Variants in NCAM1 observed in about 807,000 individuals in gnomAD.
NCAM1 encodes neural cell adhesion molecule 1.
A neutral mutation model predicts 109.8 loss-of-function variants in NCAM1; 14 were observed. That is an observed-to-expected ratio of 0.13 (90% CI 0.08 to 0.20). The LOEUF is 0.20. Ranked by LOEUF, NCAM1 falls within the 10% of genes least tolerant of loss-of-function variation. The pLI is 1.00. For missense variants in NCAM1, 774 were observed against 1,109.9 expected (o/e 0.70, Z 4.30); for synonymous variants, 418 against 442.9 (o/e 0.94, Z 0.70).
At chr11:113,020,370 T>A (rs529331564) in intron 1 of NCAM1, among the ~76,000 whole-genome samples, 1 of 152,248 alleles carries the variant, frequency 6.6e-6, no homozygotes, top group East Asian at 1.9e-4. Flanking sequence ...TGGAAGTCAT[T>A]TCCTCAGTAC....
intron 1 of NCAM1, among the ~76,000 whole-genome samples, chr11:113,104,347 T>C (rs1555092149): frequency 1.3e-5 from 2 of 151,560 alleles, no homozygotes. Context: ...ATATAGCATC[T>C]GAGGCTGCTT....
intron 1 of NCAM1, among the ~76,000 whole-genome samples, chr11:113,029,337 G>A (rs1555077966): frequency 6.6e-6 from 1 of 152,160 alleles, no homozygotes; most frequent in African/African-American, 2.4e-5. Context: ...ATGGGGTTAA[G>A]AAGTCAAATA....
At chr11:113,138,107 G>A (rs1339656171) in intron 1 of NCAM1, among the ~76,000 whole-genome samples, 1 of 152,174 alleles carries the variant, frequency 6.6e-6, no homozygotes, top group Non-Finnish European at 1.5e-5. Context: ...AGCAGAGAAA[G>A]CCACTGTTGT....
intron 1 of NCAM1, among the ~76,000 whole-genome samples, chr11:113,155,375 G>T (rs1555103276): frequency 6.6e-6 from 1 of 151,992 alleles, no homozygotes; most frequent in Non-Finnish European, 1.5e-5. Flanking sequence ...TGGGTGTGGT[G>T]GTGGGTACCT....
intron 1 of NCAM1, among the ~76,000 whole-genome samples, chr11:113,122,341 A>G (rs565836123): frequency 1.3e-5 from 2 of 152,332 alleles, no homozygotes; most frequent in South Asian, 2.1e-4. Context: ...TCTCTTCTCC[A>G]TAAGTAACAG....
chr11:113,205,602 C>T lies in NCAM1; in HGVS notation c.426C>T (p.Val142=). 1 of 1,613,896 alleles carries T rather than the reference C, an allele frequency of 6.2e-7. No individual in the cohort carries two copies. The highest frequency in any genetic ancestry group is 8.5e-7 in the Non-Finnish European group (1 of 1,179,848). Residue 142 remains valine, a synonymous_variant, in exon 4 of 20, where the codon GTC becomes GTT. Transcript: ENST00000316851. ...GEDAVIVCDV[V]SSLPPTIIWK... is the part of the protein sequence containing the mutation. ...ATGCCGTGATTGTGTGTGATGTGGT[C>T]AGCTCCCTCCCACCAACCATCATCT...
chr11:113,232,959 AG>A, intron 12 of NCAM1, 145 bp downstream of exon 12: 1 of 967,068 alleles, frequency 1.0e-6, no homozygotes, highest in Non-Finnish European at 1.6e-6. Context: ...GGAAGCTGGG[AG>A]CCATTGGATC....
chr11:113,194,663 C>A (rs1943801628), intron 1 of NCAM1, among the ~76,000 whole-genome samples: 1 of 152,162 alleles, frequency 6.6e-6, no homozygotes, highest in Admixed American at 6.5e-5. Flanking sequence ...TACCAAGAGT[C>A]ATCTTTCCCT....
intron 1 of NCAM1, among the ~76,000 whole-genome samples, chr11:113,104,202 TGGGG>T (rs1565438465): frequency 0.011 from 28 of 2,548 alleles, no homozygotes; most frequent in Middle Eastern, 0.5. Flanking sequence ...GAAGAGGAGG[TGGGG>T]TGGGGGGGGG....
chr11:113,060,234 C>A (rs1953869206), intron 1 of NCAM1, among the ~76,000 whole-genome samples: 1 of 152,178 alleles, frequency 6.6e-6, no homozygotes, highest in Non-Finnish European at 1.5e-5. Context: ...TTTGCGACAT[C>A]ATGGTTTATG....
chr11:113,231,278 G>A (rs1565515832), intron 9 of NCAM1: 2 of 1,530,180 alleles, frequency 1.3e-6, no homozygotes, highest in Non-Finnish European at 1.8e-6. Flanking sequence ...CATGAGGTAG[G>A]GCTGCTGCTG....
At chr11:113,168,994 G>A (rs1263836866) in intron 1 of NCAM1, among the ~76,000 whole-genome samples, 1 of 151,990 alleles carries the variant, frequency 6.6e-6, no homozygotes, top group Admixed American at 6.6e-5. Context: ...GTGCTTGTGT[G>A]CGTATTAAAG....
In NCAM1 at chr11:113,231,925, G is replaced by T. The variant is rs1555117330; in HGVS notation, c.1240+130G>T. 3.0e-5 allele frequency: 38 copies of T among 1,283,214 alleles called. No homozygotes were observed. In the South Asian group the frequency reaches 4.6e-4, roughly 16 times the overall value. 79.5% of individuals were successfully genotyped at this position (1,283,214 alleles called of 1,614,324 possible). On this transcript the variant is annotated intron_variant, in intron 10 of 19. Transcript: ENST00000316851. ...CTTACGTTCCCTGCAGCTGACCCTG[G>T]GCTATTTCAGAGCTCTGTTCCCAAG... is the stretch of plus-strand genomic sequence containing the variant.
At chr11:113,098,986 C>T (rs1044108633) in intron 1 of NCAM1, among the ~76,000 whole-genome samples, 1 of 152,184 alleles carries the variant, frequency 6.6e-6, no homozygotes, top group Non-Finnish European at 1.5e-5. Context: ...CCTTCTCTGA[C>T]GTATCTCTCA....
intron 1 of NCAM1, among the ~76,000 whole-genome samples, chr11:113,127,249 G>C (rs1218278680): frequency 6.6e-6 from 1 of 152,142 alleles, no homozygotes; most frequent in Non-Finnish European, 1.5e-5. Flanking sequence ...AAGCTCTCCA[G>C]GTAATTCTTT....
intron 1 of NCAM1, among the ~76,000 whole-genome samples, chr11:113,000,219 G>A (rs1251763697): frequency 6.6e-6 from 1 of 152,188 alleles, no homozygotes; most frequent in Non-Finnish European, 1.5e-5. Context: ...TTAACTAGGT[G>A]CTGGAGATAA....
chr11:113,202,112 C>A (rs1358161895), intron 1 of NCAM1, among the ~76,000 whole-genome samples: 1 of 152,180 alleles, frequency 6.6e-6, no homozygotes, highest in Admixed American at 6.5e-5. Flanking sequence ...GGGCACCTTG[C>A]ACTCTCTGAG....
intron 2 of NCAM1, among the ~76,000 whole-genome samples, chr11:113,203,358 C>A (rs1944131682): frequency 6.6e-6 from 1 of 152,206 alleles, no homozygotes; most frequent in African/African-American, 2.4e-5. Flanking sequence ...GCACATCTTG[C>A]AAATAGCGAT....
chr11:113,115,681 G>A (rs1329439038), intron 1 of NCAM1, among the ~76,000 whole-genome samples: 1 of 152,206 alleles, frequency 6.6e-6, no homozygotes, highest in Non-Finnish European at 1.5e-5. Flanking sequence ...TGTTACACAT[G>A]TATTCTTGGA....
Sources: gnomAD v4.1 joint callset for allele counts (sites outside exome capture counted in the v4.1 genomes callset) on GRCh38, gnomAD v4.1.1 for gene constraint, MANE v1.5 for transcripts, NCBI Gene and HGNC (gene_info 2026-07-23, HGNC 2026-07-21) for gene names.